TMPRSS11F: variants seen among roughly 807,000 people sequenced by gnomAD.
TMPRSS11F encodes transmembrane serine protease 11F, also known as transmembrane protease serine 11F.
TMPRSS11F carries 47 observed loss-of-function variants against 60.2 expected under a neutral mutation model. The ratio of observed to expected loss-of-function variants is 0.78; its 90% CI spans 0.62 to 1.00. TMPRSS11F has a LOEUF of 1.00. TMPRSS11F is among the 50% of genes least tolerant of loss of function. TMPRSS11F has a pLI of 0.00. For synonymous variants in TMPRSS11F, 166 were observed against 167.3 expected, an observed-to-expected ratio of 0.99 and a Z score of 0.06; for missense variants, 519 against 522.9, an observed-to-expected ratio of 0.99 and a Z score of 0.07.
At chr4:68,089,735 C>G (rs1217584562) in intron 3 of TMPRSS11F, among the ~76,000 whole-genome samples, 1 of 151,992 alleles carries the variant, frequency 6.6e-6, no homozygotes, top group African/African-American at 2.4e-5. Context: ...AAGGATAGTA[C>G]AGTGAGGGAG....
intron 3 of TMPRSS11F, among the ~76,000 whole-genome samples, chr4:68,079,094 T>G (rs1015963644): frequency 2.1e-5 from 2 of 93,250 alleles, no homozygotes; most frequent in African/African-American, 6.0e-5. Flanking sequence ...TGGTGTGACC[T>G]TTACTAAAAG....
At chr4:68,086,769 C>G (rs1723823425) in intron 3 of TMPRSS11F, among the ~76,000 whole-genome samples, 1 of 142,192 alleles carries the variant, frequency 7.0e-6, no homozygotes, top group Non-Finnish European at 1.5e-5. Flanking sequence ...ATTAGAAAAC[C>G]CAGAGGAAAT....
chr4:68,112,961 T>A (rs1317485836), intron 1 of TMPRSS11F, among the ~76,000 whole-genome samples: 2 of 152,146 alleles, frequency 1.3e-5, no homozygotes, highest in Non-Finnish European at 2.9e-5. Context: ...AAAGTAAAAT[T>A]CTGAAATATT....
intron 3 of TMPRSS11F, among the ~76,000 whole-genome samples, chr4:68,075,892 C>G (rs1396868902): frequency 6.6e-6 from 1 of 151,728 alleles, no homozygotes; most frequent in Non-Finnish European, 1.5e-5. Flanking sequence ...ACTCGGGAGG[C>G]TGAAGCAGAA....
At chr4:68,064,640 C>A in intron 8 of TMPRSS11F, 45 bp downstream of exon 8, 4 of 1,592,040 alleles carry the variant, frequency 2.5e-6, no homozygotes, top group Non-Finnish European at 3.4e-6. Context: ...CTCGTTTGAT[C>A]TCAAGACATT....
At chr4:68,099,421 G>A (rs1724144007) in intron 1 of TMPRSS11F, among the ~76,000 whole-genome samples, 1 of 152,064 alleles carries the variant, frequency 6.6e-6, no homozygotes, top group African/African-American at 2.4e-5. Context: ...TACTTTGGAA[G>A]ACCTGATCAT....
At chr4:68,061,805 G>T (rs1055278000) in intron 8 of TMPRSS11F, 5 of 441,660 alleles carry the variant, frequency 1.1e-5, no homozygotes, top group Non-Finnish European at 2.3e-5. Context: ...TAGTTCTACA[G>T]TACAACCTGT....
At chr4:68,129,469 A>C (rs545886723) in intron 1 of TMPRSS11F, among the ~76,000 whole-genome samples, 1 of 152,218 alleles carries the variant, frequency 6.6e-6, no homozygotes, top group South Asian at 2.1e-4. Flanking sequence ...CATGCTATGG[A>C]ACATGGAAAA....
In TMPRSS11F at chr4:68,059,402, T is replaced by C. The variant is rs971294173; in HGVS notation, c.1082A>G (p.Lys361Arg). Residue 361 changes from lysine (K) to arginine (R), a missense_variant, in exon 9 of 10, where the codon AAG becomes AGG. By Grantham distance (26) the Lys-to-Arg change is conservative (BLOSUM62 2). Transcript: ENST00000356291. ...ETISTDVCNRKDVYDGLITPG... is the reference protein window; with the variant it reads ...ETISTDVCNRRDVYDGLITPG... ...AGTTATCAGGCCATCATACACATCC[T>C]TTCTGTTACACACATCAGTGCTTAT... 1 of 1,614,036 alleles carries C rather than the reference T, an allele frequency of 6.2e-7. No individual in the cohort carries two copies. The highest frequency in any genetic ancestry group is 1.3e-5 in the African/African-American group (1 of 75,050).
chr4:68,108,545 G>C (rs933684822), intron 1 of TMPRSS11F, among the ~76,000 whole-genome samples: 3 of 152,156 alleles, frequency 2.0e-5, no homozygotes, highest in African/African-American at 7.2e-5. Context: ...TGGGCAGCAT[G>C]ATGTGTCACC....
chr4:68,057,279 T>C (rs1396458420), intron 9 of TMPRSS11F, among the ~76,000 whole-genome samples: 1 of 134,864 alleles, frequency 7.4e-6, no homozygotes. Flanking sequence ...AGCGAGACTG[T>C]CTCAAAAAAA....
chr4:68,118,566 T>A (rs1724568802), intron 1 of TMPRSS11F, among the ~76,000 whole-genome samples: 1 of 152,210 alleles, frequency 6.6e-6, no homozygotes, highest in Admixed American at 6.5e-5. Flanking sequence ...TGATAACAGG[T>A]CTTTAGTCAT....
At chr4:68,063,148 G>A (rs773521508) in intron 8 of TMPRSS11F, 2 of 611,036 alleles carry the variant, frequency 3.3e-6, no homozygotes, top group Non-Finnish European at 6.4e-6. Flanking sequence ...AGAAAAAGAA[G>A]CAGCATCAGG....
chr4:68,092,903 A>G (rs1028941744), intron 2 of TMPRSS11F, among the ~76,000 whole-genome samples: 1 of 137,868 alleles, frequency 7.3e-6, no homozygotes, highest in African/African-American at 2.7e-5. Flanking sequence ...TGCTAAAAAT[A>G]TAAGTTATAT....
Position 68,127,411 on chromosome 4 carries a change from A to T in TMPRSS11F, c.11+2399T>A, listed in dbSNP as rs532454157. ...GTGGCTTATTGATTTGCCTCATCAC[A>T]AAGGTCTCAACTTGTTGATAACTAT... On this transcript the variant is annotated intron_variant, in intron 1 of 9. Transcript: ENST00000356291. Among the ~76,000 whole-genome samples the T allele has an allele frequency of 5.3e-5, 8 of 152,224 alleles. No individual in the cohort carries two copies. The South Asian group carries it at 1.7e-3, about 32-fold the overall frequency.
intron 5 of TMPRSS11F, 99 bp downstream of exon 5, chr4:68,072,224 A>ATATATATATATATAT (rs1553885908): frequency 2.5e-5 from 1 of 40,404 alleles, no homozygotes; most frequent in Non-Finnish European, 4.4e-5. Flanking sequence ...TATCTTCCAA[A>ATATATATATATATAT]AAAAAAATAT....
intron 8 of TMPRSS11F, among the ~76,000 whole-genome samples, chr4:68,060,515 C>CAAAAAAAAAAAAAAAAAAAAAAAAAAAAA (rs71218926): frequency 3.4e-5 from 1 of 29,638 alleles, no homozygotes; most frequent in African/African-American, 1.6e-4. Flanking sequence ...GACTCCAACT[C>CAAAAAAAAAAAAAAAAAAAAAAAAAAAAA]AAAAAAAAAA....
At chr4:68,087,948 C>A (rs890918386) in intron 3 of TMPRSS11F, among the ~76,000 whole-genome samples, 77 of 147,378 alleles carry the variant, frequency 5.2e-4, no homozygotes, top group Non-Finnish European at 8.9e-4. Flanking sequence ...CAGTTCCCAC[C>A]TATGAGTGAG....
At position 68,094,756 on chromosome 4, in the gene TMPRSS11F, A is replaced by G. The variant is rs1055724279; in HGVS notation, c.164-4115T>C. On this transcript the variant is annotated intron_variant, in intron 2 of 9. Transcript: ENST00000356291. ...TTACTCTTTAGGTTTTCAAGAAACC[A>G]AACTTCAAAAACAGCTTTAGATAAT... Among the ~76,000 whole-genome samples the G allele has an allele frequency of 1.0e-3, 155 of 152,042 alleles. 1 individual carries two copies. The highest frequency in any genetic ancestry group is 1.0e-3 in the Non-Finnish European group (69 of 67,954).
Sources: gnomAD v4.1 joint callset for allele counts (sites outside exome capture counted in the v4.1 genomes callset) on GRCh38, gnomAD v4.1.1 for gene constraint, MANE v1.5 for transcripts, NCBI Gene and HGNC (gene_info 2026-07-23, HGNC 2026-07-21) for gene names.